The following RBFOX1 variants were observed in gnomAD, a reference collection of about 807,000 sequenced individuals.
The protein encoded by RBFOX1 is RNA binding fox-1 homolog 1.
Under a neutral mutation model 57.7 loss-of-function variants are expected in RBFOX1, and 8 were observed. That is an observed-to-expected ratio of 0.14 (90% CI 0.08 to 0.25). The LOEUF is 0.25. RBFOX1 is among the 10% of genes least tolerant of loss of function. RBFOX1 has a pLI of 1.00. For synonymous variants in RBFOX1, 326 were observed against 222.4 expected, an observed-to-expected ratio of 1.47 and a Z score of -4.15; for missense variants, 611 against 548.5, an observed-to-expected ratio of 1.11 and a Z score of -1.14.
chr16:6,946,485 C>A (rs934723627), intron 3 of RBFOX1, among the ~76,000 whole-genome samples: 1 of 152,144 alleles, frequency 6.6e-6, no homozygotes, highest in Non-Finnish European at 1.5e-5. Flanking sequence ...TTCTGCATAG[C>A]CTGTTTTCTC....
chr16:5,481,617 T>C (rs527703438), intron 2 of RBFOX1, among the ~76,000 whole-genome samples: 3 of 152,346 alleles, frequency 2.0e-5, no homozygotes, highest in African/African-American at 7.2e-5. Flanking sequence ...GGAAAGAAGA[T>C]ACCAAGTGCT....
At chr16:5,242,920 G>A (rs1393937422) in intron 1 of RBFOX1, among the ~76,000 whole-genome samples, 1 of 150,634 alleles carries the variant, frequency 6.6e-6, no homozygotes, top group Non-Finnish European at 1.5e-5. Context: ...CAGATAAATC[G>A]GGCCCCCAGG....
intron 1 of RBFOX1, among the ~76,000 whole-genome samples, chr16:5,261,828 G>A (rs536939522): frequency 6.6e-6 from 1 of 152,166 alleles, no homozygotes; most frequent in African/African-American, 2.4e-5. Flanking sequence ...GGGATTACAG[G>A]TGTGAGCCAC....
chr16:5,597,403 T>C (rs1297303821), intron 2 of RBFOX1, among the ~76,000 whole-genome samples: 3 of 149,768 alleles, frequency 2.0e-5, no homozygotes, highest in African/African-American at 7.4e-5. Context: ...GACTTTTTTT[T>C]TTTTTTTTTT....
At chr16:6,815,584 G>A (rs142479600) in intron 3 of RBFOX1, among the ~76,000 whole-genome samples, 33 of 152,172 alleles carry the variant, frequency 2.2e-4, no homozygotes, top group African/African-American at 7.7e-4. Flanking sequence ...TAATCCTCCC[G>A]TCATTAATCT....
At chr16:7,006,508 G>C (rs558728352) in intron 3 of RBFOX1, among the ~76,000 whole-genome samples, 9 of 152,034 alleles carry the variant, frequency 5.9e-5, no homozygotes, top group Non-Finnish European at 1.3e-4. Context: ...GGAATGGAGT[G>C]ATATGATCAC....
chr16:7,056,272 A>G (rs2052226084), intron 4 of RBFOX1, among the ~76,000 whole-genome samples: 2 of 152,188 alleles, frequency 1.3e-5, no homozygotes, highest in South Asian at 4.1e-4. Flanking sequence ...CTCGGTTGTT[A>G]CGCACACTAC....
At chr16:5,922,020 G>T (rs190654832) in intron 4 of RBFOX1, among the ~76,000 whole-genome samples, 68 of 152,224 alleles carry the variant, frequency 4.5e-4, no homozygotes, top group South Asian at 2.1e-3. Flanking sequence ...AATTCGCCGG[G>T]CATGGTGATG....
intron 3 of RBFOX1, among the ~76,000 whole-genome samples, chr16:5,742,074 A>G (rs1206082922): frequency 6.6e-6 from 1 of 152,232 alleles, no homozygotes; most frequent in African/African-American, 2.4e-5. Context: ...ATATCCATAT[A>G]ATGAGAGGTT....
At chr16:6,584,716 C>A (rs1175852870) in intron 2 of RBFOX1, among the ~76,000 whole-genome samples, 1 of 152,016 alleles carries the variant, frequency 6.6e-6, no homozygotes, top group East Asian at 1.9e-4. Context: ...TCTAGCTACT[C>A]CCAGTCCTTC....
rs1474597924 is a variant in RBFOX1, at chr16:6,565,914, A to G, written c.-63-88689A>G. 5.3e-5 allele frequency among the ~76,000 whole-genome samples: 8 copies of G among 152,306 alleles called. No individual in the cohort carries two copies. In the South Asian group the frequency reaches 8.3e-4, roughly 16 times the overall value. On this transcript the variant is annotated intron_variant, in intron 2 of 15. Coordinates refer to ENST00000550418, the MANE Select transcript of RBFOX1 (RefSeq NM_018723.4). ...CAATATCCATGGCTTAAAAGAACCA[A>G]TGTGCTTTGTTTTTGTTTTTGTTTT...
intron 1 of RBFOX1, among the ~76,000 whole-genome samples, chr16:6,154,667 G>A (rs956217937): frequency 3.9e-5 from 6 of 152,162 alleles, no homozygotes; most frequent in Admixed American, 3.9e-4. Context: ...CTAAGGGAAT[G>A]AATATGAATG....
intron 3 of RBFOX1, among the ~76,000 whole-genome samples, chr16:7,026,868 G>T (rs1218926718): frequency 6.6e-6 from 1 of 152,222 alleles, no homozygotes; most frequent in Non-Finnish European, 1.5e-5. Context: ...TCTCCTAGTT[G>T]CAAGGGAGGG....
intron 3 of RBFOX1, among the ~76,000 whole-genome samples, chr16:5,846,431 C>G (rs1029369299): frequency 6.6e-6 from 1 of 152,112 alleles, no homozygotes; most frequent in Non-Finnish European, 1.5e-5. Flanking sequence ...CTCTGTGTCT[C>G]TGTGTGATTA....
intron 3 of RBFOX1, among the ~76,000 whole-genome samples, chr16:5,613,721 T>C (rs899380180): frequency 6.6e-6 from 1 of 152,190 alleles, no homozygotes; most frequent in African/African-American, 2.4e-5. Flanking sequence ...ACAAAAGCAG[T>C]TGATGCCTGA....
intron 2 of RBFOX1, among the ~76,000 whole-genome samples, chr16:6,527,117 T>C (rs1036221120): frequency 2.0e-5 from 3 of 152,162 alleles, no homozygotes; most frequent in Non-Finnish European, 2.9e-5. Context: ...ATTATTTTAT[T>C]TATTATTCAA....
chr16:7,303,904 G>A (rs1414309383), intron 4 of RBFOX1, among the ~76,000 whole-genome samples: 1 of 151,530 alleles, frequency 6.6e-6, no homozygotes, highest in Non-Finnish European at 1.5e-5. Context: ...CTTCGGGAGG[G>A]CAGCGCATCC....
chr16:5,576,297 G>A (rs1300064168), intron 2 of RBFOX1, among the ~76,000 whole-genome samples: 2 of 152,104 alleles, frequency 1.3e-5, no homozygotes, highest in Non-Finnish European at 2.9e-5. Flanking sequence ...CTAACCAGAA[G>A]TTTTCATTTT....
At chr16:6,402,770 C>G (rs767522017) in intron 2 of RBFOX1, among the ~76,000 whole-genome samples, 4 of 152,116 alleles carry the variant, frequency 2.6e-5, no homozygotes, top group Non-Finnish European at 5.9e-5. Context: ...ATTATTACTT[C>G]TTTCTTGGGT....
Sources: gnomAD v4.1 joint callset for allele counts (sites outside exome capture counted in the v4.1 genomes callset) on GRCh38, gnomAD v4.1.1 for gene constraint, MANE v1.5 for transcripts, NCBI Gene and HGNC (gene_info 2026-07-23, HGNC 2026-07-21) for gene names.